The following HIF1A variants were observed in gnomAD, a reference collection of about 807,000 sequenced individuals.
The protein encoded by HIF1A is hypoxia-inducible factor 1-alpha.
Under a neutral mutation model 92.7 loss-of-function variants are expected in HIF1A, and 24 were observed. The ratio of observed to expected loss-of-function variants is 0.26; its 90% CI spans 0.19 to 0.36. HIF1A has a LOEUF of 0.36. Among genes scored for constraint, HIF1A ranks in the 10% least tolerant of loss-of-function variants. The pLI is 1.00. For synonymous variants in HIF1A, 319 were observed against 338.7 expected (o/e 0.94, Z 0.64); for missense variants, 799 against 998.5 (o/e 0.80, Z 2.69).
intron 1 of HIF1A, among the ~76,000 whole-genome samples, chr14:61,720,171 G>C (rs1023350065): frequency 6.6e-6 from 1 of 152,184 alleles, no homozygotes; most frequent in Non-Finnish European, 1.5e-5. Flanking sequence ...GACTTTTTGT[G>C]AGAGTTCCTT....
At chr14:61,740,062 A>ATTTTTTTTTTTTTTTTTTTTTTTTTTT (rs36189686) in intron 10 of HIF1A, 1 of 94,128 alleles carries the variant, frequency 1.1e-5, no homozygotes, top group Non-Finnish European at 1.9e-5. Context: ...ATTTTCACAA[A>ATTTTTTTTTTTTTTTTTTTTTTTTTTT]TTTTTTTTTT....
At chr14:61,707,557 T>C (rs929014028) in intron 1 of HIF1A, among the ~76,000 whole-genome samples, 10 of 151,510 alleles carry the variant, frequency 6.6e-5, no homozygotes, top group African/African-American at 2.4e-4. Context: ...ACACGCGGTG[T>C]TTGGTTTTTT....
chr14:61,721,679 T>G, intron 3 of HIF1A, 25 bp downstream of exon 3: 1 of 1,608,526 alleles, frequency 6.2e-7, no homozygotes, highest in Non-Finnish European at 8.5e-7. Flanking sequence ...TATTAAGAGC[T>G]CTTCTATATG....
intron 12 of HIF1A, among the ~76,000 whole-genome samples, chr14:61,742,351 A>G (rs1223064306): frequency 6.6e-6 from 1 of 152,260 alleles, no homozygotes; most frequent in Non-Finnish European, 1.5e-5. Context: ...GCCAGAACAC[A>G]TAGCTTTTTT....
intron 1 of HIF1A, among the ~76,000 whole-genome samples, chr14:61,712,404 T>C (rs142946993): frequency 7.5e-4 from 114 of 151,928 alleles, no homozygotes; most frequent in African/African-American, 1.6e-3. Context: ...ATATGGACTA[T>C]TGGAAGGGCT....
intron 9 of HIF1A, 42 bp from the exon 10 acceptor site, chr14:61,738,045 A>T: frequency 2.7e-6 from 4 of 1,458,064 alleles, no homozygotes; most frequent in Non-Finnish European, 3.7e-6. Context: ...AAAAAAAAAA[A>T]TCCTTCTATA....
chr14:61,733,844 G>A (rs185938929), intron 7 of HIF1A, among the ~76,000 whole-genome samples: 2 of 152,168 alleles, frequency 1.3e-5, no homozygotes, highest in Non-Finnish European at 1.5e-5. Flanking sequence ...TCTCTAATCT[G>A]ACACCAACCT....
At position 61,742,907 on chromosome 14, in the gene HIF1A, A is replaced by AAG. The variant is rs71117851; in HGVS notation, c.2093+1719_2093+1720insAG. Among the ~76,000 whole-genome samples the AAG allele has an allele frequency of 3.4e-3, 357 of 105,888 alleles. 39 individuals carry two copies. The highest frequency in any genetic ancestry group is 6.3e-3 in the African/African-American group (187 of 29,518). The allele number at this position is 105,888 out of a possible 152,430, so 69.5% of individuals were successfully genotyped here. On this transcript the variant is annotated intron_variant, in intron 12 of 14. Transcript: ENST00000337138. ...TTTCAAAAAAAAAAAAAAAAAAAAA[A>AAG]GTTGTTGGACTGACAGATGCATGAA...
chr14:61,730,224 T>C (rs1410861551), intron 6 of HIF1A, among the ~76,000 whole-genome samples: 3 of 152,166 alleles, frequency 2.0e-5, no homozygotes, highest in South Asian at 2.1e-4. Context: ...CCCGACCCTT[T>C]TGGTATAGAA....
At chr14:61,704,012 T>G (rs899729529) in intron 1 of HIF1A, among the ~76,000 whole-genome samples, 5 of 152,204 alleles carry the variant, frequency 3.3e-5, no homozygotes, top group African/African-American at 1.2e-4. Flanking sequence ...GATCACACAT[T>G]TTTCTAGATC....
intron 1 of HIF1A, among the ~76,000 whole-genome samples, chr14:61,702,487 CCTGT>C (rs1399581513): frequency 1.1e-5 from 1 of 89,264 alleles, no homozygotes; most frequent in Non-Finnish European, 3.2e-5. Flanking sequence ...TCTTTAGTTC[CCTGT>C]CTGAGATTCA....
At chr14:61,701,848 C>A (rs1459570397) in intron 1 of HIF1A, among the ~76,000 whole-genome samples, 1 of 151,822 alleles carries the variant, frequency 6.6e-6, no homozygotes, top group East Asian at 1.9e-4. Context: ...ATTAGCCAGG[C>A]GTGGTGGCGG....
At chr14:61,709,689 A>G (rs773342636) in intron 1 of HIF1A, among the ~76,000 whole-genome samples, 10 of 152,196 alleles carry the variant, frequency 6.6e-5, no homozygotes, top group Non-Finnish European at 1.5e-4. Context: ...ATTTTTCTTT[A>G]GAAACAAACC....
chr14:61,724,352 T>TCTCTCC (rs979900883), intron 4 of HIF1A, among the ~76,000 whole-genome samples: 3 of 111,182 alleles, frequency 2.7e-5, no homozygotes, highest in African/African-American at 1.6e-4. Context: ...ACACACATTC[T>TCTCTCC]CTCTCTCTCT....
chr14:61,734,300 G>C lies in HIF1A; in HGVS notation c.1028+15G>C. ...TACGTTGTGAGGTAAGTAAGTTTGA[G>C]AAATAAACATTTTTGGGGAACAAAT... On this transcript the variant is annotated intron_variant, in intron 8 of 14. Coordinates refer to ENST00000337138, the MANE Select transcript of HIF1A (RefSeq NM_001530.4). 1 of 1,586,440 alleles carries C rather than the reference G, an allele frequency of 6.3e-7. No homozygotes were observed. The highest frequency in any genetic ancestry group is 8.6e-7 in the Non-Finnish European group (1 of 1,162,100).
intron 1 of HIF1A, among the ~76,000 whole-genome samples, chr14:61,705,070 A>G (rs2044223542): frequency 6.6e-6 from 1 of 152,128 alleles, no homozygotes; most frequent in African/African-American, 2.4e-5. Context: ...AAGACAATCT[A>G]CTTATTTTCT....
chr14:61,703,008 C>T (rs770293614), intron 1 of HIF1A, among the ~76,000 whole-genome samples: 3 of 152,126 alleles, frequency 2.0e-5, no homozygotes, highest in Admixed American at 1.3e-4. Flanking sequence ...GGGTACTTAA[C>T]ATAATATATG....
At chr14:61,728,121 A>C (rs1051165882) in intron 6 of HIF1A, among the ~76,000 whole-genome samples, 9 of 152,248 alleles carry the variant, frequency 5.9e-5, no homozygotes, top group African/African-American at 2.2e-4. Flanking sequence ...AAATTAATTC[A>C]GCCACATTTA....
intron 7 of HIF1A, 26 bp from the exon 8 acceptor site, chr14:61,734,112 A>G (rs780605597): frequency 4.8e-6 from 7 of 1,473,412 alleles, no homozygotes; most frequent in Non-Finnish European, 6.4e-6. Context: ...TTTTCTCTGC[A>G]TGATTCTTTT....
Sources: allele counts gnomAD v4.1 joint callset (sites outside exome capture counted in the v4.1 genomes callset), GRCh38; gene constraint gnomAD v4.1.1; transcripts MANE v1.5; gene names NCBI Gene and HGNC (gene_info 2026-07-23, HGNC 2026-07-21).